Variants in ELAVL2 observed in about 807,000 individuals in gnomAD.
The protein encoded by ELAVL2 is ELAV-like protein 2.
A neutral mutation model predicts 34.6 loss-of-function variants in ELAVL2; 4 were observed. The ratio of observed to expected loss-of-function variants is 0.12; its 90% CI spans 0.06 to 0.26. The LOEUF is 0.26. Among genes scored for constraint, ELAVL2 ranks in the 10% least tolerant of loss-of-function variants. The probability of loss-of-function intolerance (pLI) is 1.00; values close to 1 mark genes in which losing one functional copy is unlikely to be tolerated. For missense variants in ELAVL2, 432 were observed against 442.8 expected, an observed-to-expected ratio of 0.98 and a Z score of 0.22; for synonymous variants, 193 against 154.8, an observed-to-expected ratio of 1.25 and a Z score of -1.83.
intron 4 of ELAVL2, among the ~76,000 whole-genome samples, chr9:23,702,906 T>C (rs2037789538): frequency 8.3e-6 from 1 of 120,310 alleles, no homozygotes. Context: ...TAAGAATTAA[T>C]AACCTCTAGA....
intron 3 of ELAVL2, among the ~76,000 whole-genome samples, chr9:23,723,304 AG>A (rs2044217949): frequency 6.6e-6 from 1 of 152,182 alleles, no homozygotes; most frequent in South Asian, 2.1e-4. Context: ...CATCATTCTC[AG>A]TAAACTATCA....
intron 1 of ELAVL2, chr9:23,821,724 G>A (rs1436038715): frequency 1.3e-5 from 2 of 152,236 alleles, no homozygotes; most frequent in Non-Finnish European, 2.9e-5. Context: ...CGGCGGGAAA[G>A]GGGACTGGAA....
chr9:23,696,227 G>C (rs777643641), intron 5 of ELAVL2, among the ~76,000 whole-genome samples: 1 of 152,060 alleles, frequency 6.6e-6, no homozygotes, highest in Non-Finnish European at 1.5e-5. Context: ...GTATGCATCT[G>C]AGCCCAGAAG....
intron 2 of ELAVL2, among the ~76,000 whole-genome samples, chr9:23,759,346 G>A (rs1043813695): frequency 3.3e-5 from 5 of 151,966 alleles, no homozygotes; most frequent in South Asian, 2.1e-4. Context: ...AGGTAGAATC[G>A]AAAAATGCTG....
intron 2 of ELAVL2, among the ~76,000 whole-genome samples, chr9:23,758,298 C>T (rs1389746062): frequency 6.6e-6 from 1 of 152,084 alleles, no homozygotes; most frequent in Non-Finnish European, 1.5e-5. Context: ...AGTATGCCTA[C>T]TTTTCAAAGT....
At chr9:23,775,025 A>C (rs1449379593) in intron 1 of ELAVL2, among the ~76,000 whole-genome samples, 1 of 152,190 alleles carries the variant, frequency 6.6e-6, no homozygotes, top group African/African-American at 2.4e-5. Flanking sequence ...CTGAATTTAA[A>C]CTGTGGCTTT....
intron 2 of ELAVL2, among the ~76,000 whole-genome samples, chr9:23,737,979 T>C (rs1005304958): frequency 6.6e-6 from 1 of 151,990 alleles, no homozygotes; most frequent in Non-Finnish European, 1.5e-5. Flanking sequence ...AGGGGGAAAA[T>C]TTTTGTTTTT....
At chr9:23,781,845 C>A (rs911189419) in intron 1 of ELAVL2, among the ~76,000 whole-genome samples, 4 of 152,146 alleles carry the variant, frequency 2.6e-5, no homozygotes, top group South Asian at 2.1e-4. Context: ...CCACCACGCC[C>A]GGCTAATTTT....
At chr9:23,754,549 C>T (rs1156669976) in intron 2 of ELAVL2, among the ~76,000 whole-genome samples, 6 of 152,052 alleles carry the variant, frequency 3.9e-5, no homozygotes, top group Non-Finnish European at 5.9e-5. Flanking sequence ...ACCTCTGCCT[C>T]CTGGGTTCAA....
intron 1 of ELAVL2, 76 bp from the exon 2 acceptor site, chr9:23,762,325 C>T: frequency 6.5e-7 from 1 of 1,536,654 alleles, no homozygotes; most frequent in Non-Finnish European, 8.8e-7. Flanking sequence ...AGAATTTAAA[C>T]ACTTGTCACT....
chr9:23,747,149 T>C (rs963543600), intron 2 of ELAVL2, among the ~76,000 whole-genome samples: 1 of 149,978 alleles, frequency 6.7e-6, no homozygotes, highest in Admixed American at 6.7e-5. Flanking sequence ...GAATCCAACA[T>C]AATATACACT....
chr9:23,695,379 T>C (rs2034783349), intron 5 of ELAVL2, among the ~76,000 whole-genome samples: 1 of 152,122 alleles, frequency 6.6e-6, no homozygotes, highest in African/African-American at 2.4e-5. Context: ...TGCATCCATG[T>C]AGGGACAGGT....
At position 23,710,018 on chromosome 9, in the gene ELAVL2, C is replaced by T. The variant is rs1323221262; in HGVS notation, c.334-4947G>A. Among the ~76,000 whole-genome samples, 11 of 151,992 alleles carry T rather than the reference C, an allele frequency of 7.2e-5. 1 individual carries two copies. Among genetic ancestry groups the T allele is most frequent in the South Asian group, 2.1e-4 (1 of 4,810 alleles). ...AGATTATATGAGGGAAGGGGAGGGA[C>T]GGGGAGGCAGTAAGTACTTGCTACT... On this transcript the variant is annotated intron_variant, in intron 3 of 6. Coordinates refer to ENST00000397312, the MANE Select transcript of ELAVL2 (RefSeq NM_004432.5).
At chr9:23,794,164 C>T (rs1195684235) in intron 1 of ELAVL2, among the ~76,000 whole-genome samples, 2 of 152,186 alleles carry the variant, frequency 1.3e-5, no homozygotes, top group Non-Finnish European at 2.9e-5. Context: ...AGCATTCAAG[C>T]TGCTTCATGA....
intron 1 of ELAVL2, among the ~76,000 whole-genome samples, chr9:23,804,850 C>A (rs867308989): frequency 6.6e-6 from 1 of 152,126 alleles, no homozygotes; most frequent in African/African-American, 2.4e-5. Context: ...TTAGACAATA[C>A]ATCTTAGCAT....
At chr9:23,743,459 C>A (rs1226042694) in intron 2 of ELAVL2, among the ~76,000 whole-genome samples, 3 of 152,104 alleles carry the variant, frequency 2.0e-5, no homozygotes, top group Non-Finnish European at 4.4e-5. Context: ...CATTAGGACA[C>A]AAAAGTAATG....
chr9:23,818,638 A>C, intron 1 of ELAVL2, among the ~76,000 whole-genome samples: 1 of 152,322 alleles, frequency 6.6e-6, no homozygotes, highest in Middle Eastern at 3.4e-3. Flanking sequence ...ACAAAAAAGT[A>C]ACCAAACCAA....
At chr9:23,840,563 T>C in the ELAVL2 span, among the ~76,000 whole-genome samples, 2 of 152,184 alleles carry the variant, frequency 1.3e-5, no homozygotes, top group African/African-American at 4.8e-5. Context: ...TTGCCAATTT[T>C]ATACTTTGTG....
chr9:23,775,845 C>T (rs549886414), intron 1 of ELAVL2, among the ~76,000 whole-genome samples: 2 of 152,312 alleles, frequency 1.3e-5, no homozygotes, highest in South Asian at 4.1e-4. Flanking sequence ...TCTCCTGCCT[C>T]ATGGAAACAT....
Sources: gnomAD v4.1 joint callset for allele counts (sites outside exome capture counted in the v4.1 genomes callset) on GRCh38, gnomAD v4.1.1 for gene constraint, MANE v1.5 for transcripts, NCBI Gene and HGNC (gene_info 2026-07-23, HGNC 2026-07-21) for gene names.